PPM1G: variants seen among roughly 807,000 people sequenced by gnomAD.
PPM1G encodes the protein protein phosphatase, Mg2+/Mn2+ dependent 1G, also known as protein phosphatase 1G.
A neutral mutation model predicts 59.4 loss-of-function variants in PPM1G; 12 were observed. That is an observed-to-expected ratio of 0.20 (90% CI 0.13 to 0.33). The LOEUF (loss-of-function observed/expected upper bound fraction) is 0.33, where lower values mean the gene tolerates loss of function less well. Ranked by LOEUF, PPM1G falls within the 10% of genes least tolerant of loss-of-function variation. PPM1G has a pLI of 1.00. For missense variants in PPM1G, 392 were observed against 681.3 expected (o/e 0.58, Z 4.73); for synonymous variants, 245 against 251.9 (o/e 0.97, Z 0.26).
intron 1 of PPM1G, among the ~76,000 whole-genome samples, chr2:27,395,840 CAAAA>C (rs1048753961): frequency 1.8e-5 from 1 of 57,116 alleles, no homozygotes; most frequent in Non-Finnish European, 3.6e-5. Context: ...AAGACCGTCT[CAAAA>C]AAAAAAAAAA....
chr2:27,383,219 G>T lies in PPM1G; in HGVS notation c.1201+147C>A. 1.5e-6 allele frequency: 1 copy of T among 662,980 alleles called. No individual in the cohort carries two copies. The allele number at this position is 662,980 out of a possible 1,614,324, so 41.1% of individuals were successfully genotyped here. On this transcript the variant is annotated intron_variant, in intron 7 of 9. Coordinates refer to ENST00000344034, the MANE Select transcript of PPM1G (RefSeq NM_177983.3). This position sits in a 1 kb window ranked among gnomAD's most constrained non-coding sequence, Gnocchi z 5.0. ...TATAATGATACCTCTACCCATCTTA[G>T]TTATTTCACAGAAATATAAGAACAG...
chr2:27,402,057 C>A (rs1684191053), intron 1 of PPM1G, among the ~76,000 whole-genome samples: 1 of 151,820 alleles, frequency 6.6e-6, no homozygotes, highest in Non-Finnish European at 1.5e-5. Flanking sequence ...TAAAAAGGAA[C>A]CTGTATACAC....
chr2:27,397,676 C>A (rs1237291108), intron 1 of PPM1G, among the ~76,000 whole-genome samples: 1 of 152,088 alleles, frequency 6.6e-6, no homozygotes, highest in Non-Finnish European at 1.5e-5. Context: ...CCAGTCTGGG[C>A]AACATAGTAA....
In PPM1G at chr2:27,384,733, C is replaced by T; in HGVS notation, c.765G>A (p.Lys255=). The T allele has an allele frequency of 3.1e-6, 5 of 1,614,208 alleles. No individual in the cohort carries two copies. Among genetic ancestry groups the T allele is most frequent in the Middle Eastern group, 1.6e-4 (1 of 6,062 alleles). ...ACTCATCCTCACTGTCCTCAAAGAA[C>T]TTGGACTTAGCAACTCGAGGCAGCT... The part of the protein sequence containing the change: ...SDKLPRVAKS[K]FFEDSEDESD... Residue 255 remains lysine, a synonymous_variant, in exon 5 of 10, where the codon AAG becomes AAA. Coordinates refer to ENST00000344034, the MANE Select transcript of PPM1G (RefSeq NM_177983.3). This position sits in a 1 kb window ranked among gnomAD's most constrained non-coding sequence, Gnocchi z 4.8.
In PPM1G at chr2:27,384,735, T is replaced by C; in HGVS notation, c.763A>G (p.Lys255Glu). 2.5e-6 allele frequency: 4 copies of C among 1,614,198 alleles called. No individual in the cohort carries two copies. The highest frequency in any genetic ancestry group is 3.4e-6 in the Non-Finnish European group (4 of 1,180,018). The change falls in exon 5 of 10, where the codon AAG becomes GAG. Residue 255 changes from lysine to glutamate, a missense_variant. By Grantham distance (56) the Lys-to-Glu change is moderately conservative. Transcript: ENST00000344034. This position sits in a 1 kb window ranked among gnomAD's most constrained non-coding sequence, Gnocchi z 4.8. Reference sequence around the variant, plus strand: ...TCATCCTCACTGTCCTCAAAGAACTTGGACTTAGCAACTCGAGGCAGCTTG... The same window carrying C: ...TCATCCTCACTGTCCTCAAAGAACTCGGACTTAGCAACTCGAGGCAGCTTG... Reference protein sequence around the residue: ...SDKLPRVAKSKFFEDSEDESD... With the variant: ...SDKLPRVAKSEFFEDSEDESD...
At position 27,382,032 on chromosome 2, in the gene PPM1G, A is replaced by G; in HGVS notation, c.1434+94T>C. On this transcript the variant is annotated intron_variant, in intron 9 of 9. Transcript: ENST00000344034. The surrounding 1 kb of genome is among the most constrained non-coding windows in gnomAD (Gnocchi z 4.2). ...GTTTAGCGTCTGTCAGCAATTACTG[A>G]TAATGCTCCCAGATTGCCGACTTAG... 1.6e-6 allele frequency: 2 copies of G among 1,282,114 alleles called. No individual in the cohort carries two copies. Among genetic ancestry groups the G allele is most frequent in the African/African-American group, 1.5e-5 (1 of 68,264 alleles). 79.4% of individuals were successfully genotyped at this position (1,282,114 alleles called of 1,614,324 possible).
chr2:27,382,072 G>T lies in PPM1G; in HGVS notation c.1434+54C>A. 1 of 1,539,906 alleles carries T rather than the reference G, an allele frequency of 6.5e-7. No homozygotes were observed. On this transcript the variant is annotated intron_variant, in intron 9 of 9. Transcript: ENST00000344034. This position sits in a 1 kb window ranked among gnomAD's most constrained non-coding sequence, Gnocchi z 4.2. ...TGCCGACTTAGCTCAGATTAAAAGAGTGAACCCTGGCTGTGCAGACCAGAC... is the reference window on the plus strand; with the variant it reads ...TGCCGACTTAGCTCAGATTAAAAGATTGAACCCTGGCTGTGCAGACCAGAC...
At chr2:27,400,615 A>C (rs1384088711) in intron 1 of PPM1G, among the ~76,000 whole-genome samples, 1 of 152,094 alleles carries the variant, frequency 6.6e-6, no homozygotes, top group Non-Finnish European at 1.5e-5. Flanking sequence ...AAACAACAAT[A>C]ATTAAAACTG....
chr2:27,383,743 TC>T lies in PPM1G; in HGVS notation c.967-144del, dbSNP rs1261626273. The T allele has an allele frequency of 1.7e-6, 2 of 1,156,236 alleles. No homozygotes were observed. Among genetic ancestry groups the T allele is most frequent in the African/African-American group, 3.1e-5 (2 of 64,220 alleles). 71.6% of individuals were successfully genotyped at this position (1,156,236 alleles called of 1,614,324 possible). A position where few individuals can be genotyped will look rare whatever the true frequency, so the allele number is the denominator to read the frequency against. ...ACAGGAGAAGCACACATTTCATCTTTCTAGAGACAGCAGCACACTCCCTCTC... is the reference window on the plus strand; with the variant it reads ...ACAGGAGAAGCACACATTTCATCTTTTAGAGACAGCAGCACACTCCCTCTC... On this transcript the variant is annotated intron_variant, in intron 6 of 9. Transcript: ENST00000344034. This position sits in a 1 kb window ranked among gnomAD's most constrained non-coding sequence, Gnocchi z 5.0.
In PPM1G at chr2:27,382,947, T is replaced by G. The variant is rs1363556462; in HGVS notation, c.1202-342A>C. Among the ~76,000 whole-genome samples the G allele has an allele frequency of 6.6e-6, 1 of 151,210 alleles. No homozygotes were observed. ...TTCAAGCGGTTCTCCTGCCTCAGCC[T>G]CCTGAGTAGCTGGGATTACAGGCTT... On this transcript the variant is annotated intron_variant, in intron 7 of 9. Transcript: ENST00000344034. The surrounding 1 kb of genome is among the most constrained non-coding windows in gnomAD (Gnocchi z 4.2).
chr2:27,399,950 C>CAAA (rs56786173), intron 1 of PPM1G, among the ~76,000 whole-genome samples: 27 of 107,124 alleles, frequency 2.5e-4, no homozygotes, highest in African/African-American at 6.4e-4. Flanking sequence ...TTTATAATAG[C>CAAA]AAAAAAAAAA....
In PPM1G at chr2:27,383,269, G is replaced by A; in HGVS notation, c.1201+97C>T. On this transcript the variant is annotated intron_variant, in intron 7 of 9. Transcript: ENST00000344034. The surrounding 1 kb of genome is among the most constrained non-coding windows in gnomAD (Gnocchi z 5.0). ...GAGGTAGTAGATATTAAAGTGCTTTGAAAGGCACAAGCACTAGGAAGATTA... is the reference window on the plus strand; with the variant it reads ...GAGGTAGTAGATATTAAAGTGCTTTAAAAGGCACAAGCACTAGGAAGATTA... The A allele has an allele frequency of 9.2e-7, 1 of 1,086,882 alleles. No homozygotes were observed. Among genetic ancestry groups the A allele is most frequent in the South Asian group, 1.4e-5 (1 of 70,692 alleles). 67.3% of individuals were successfully genotyped at this position (1,086,882 alleles called of 1,614,324 possible). A position where few individuals can be genotyped will look rare whatever the true frequency, so the allele number is the denominator to read the frequency against.
intron 1 of PPM1G, among the ~76,000 whole-genome samples, chr2:27,392,380 C>T (rs1003488585): frequency 6.6e-6 from 1 of 150,410 alleles, no homozygotes; most frequent in Non-Finnish European, 1.5e-5. Context: ...CTACAACCTC[C>T]GCAGCCCAGG....
At chr2:27,404,745 C>A (rs1663304767) in intron 1 of PPM1G, among the ~76,000 whole-genome samples, 1 of 151,498 alleles carries the variant, frequency 6.6e-6, no homozygotes, top group South Asian at 2.1e-4. Flanking sequence ...GAGTTGGAGA[C>A]CAACCCGGCC....
intron 1 of PPM1G, among the ~76,000 whole-genome samples, chr2:27,394,604 G>A (rs780087): frequency 0.047 from 7,127 of 151,922 alleles, 562 homozygotes; most frequent in African/African-American, 0.16. Flanking sequence ...GGTGGCACGC[G>A]CCTGTAGTCC....
rs183619997 is a variant in PPM1G, at chr2:27,393,698, C to T, written c.121-6540G>A. On this transcript the variant is annotated intron_variant, in intron 1 of 9. Transcript: ENST00000344034. ...CTCCCGGGTTCAAGCAATTCTCCTG[C>T]CTCAGCCTCCCGAGTAGCTGGGAGT... is the stretch of plus-strand genomic sequence containing the variant. Among the ~76,000 whole-genome samples, 6 of 152,260 alleles carry T rather than the reference C, an allele frequency of 3.9e-5. No homozygotes were observed. The East Asian group carries it at 5.8e-4, about 15-fold the overall frequency.
chr2:27,381,667 C>T lies in PPM1G; in HGVS notation c.1573G>A (p.Val525Met), dbSNP rs1386079917. 3.1e-6 allele frequency: 5 copies of T among 1,613,964 alleles called. No homozygotes were observed. Among genetic ancestry groups the T allele is most frequent in the Non-Finnish European group, 3.4e-6 (4 of 1,180,032 alleles). ...PESGKRKLEE[V>M]LSTEGAEENG... The stretch of plus-strand genomic sequence containing the variant: ...TCTTCAGCCCCCTCAGTAGAGAGCA[C>T]CTCCTCTAGTTTTCGCTTGCCACTC... The change falls in exon 10 of 10, where the codon GTG becomes ATG. Residue 525 changes from valine (V) to methionine (M), a missense_variant. Physicochemically the swap from Val to Met is conservative, Grantham distance 21. Coordinates refer to ENST00000344034, the MANE Select transcript of PPM1G (RefSeq NM_177983.3).
At chr2:27,393,036 A>C (rs1375667260) in intron 1 of PPM1G, 16 of 1,393,108 alleles carry the variant, frequency 1.1e-5, no homozygotes, top group Non-Finnish European at 1.4e-5. Context: ...CAAAATGCAC[A>C]ATTTTTTCCA....
chr2:27,399,467 G>A (rs1202980913), intron 1 of PPM1G, among the ~76,000 whole-genome samples: 1 of 152,154 alleles, frequency 6.6e-6, no homozygotes, highest in Non-Finnish European at 1.5e-5. Flanking sequence ...GAGGTCAGGA[G>A]TTCGACACCA....
Sources: allele counts gnomAD v4.1 joint callset (sites outside exome capture counted in the v4.1 genomes callset), GRCh38; gene constraint gnomAD v4.1.1; non-coding constraint Gnocchi (gnomAD v3.1); transcripts MANE v1.5; gene names NCBI Gene and HGNC (gene_info 2026-07-23, HGNC 2026-07-21).